SLAMF6: variants seen among roughly 807,000 people sequenced by gnomAD.
The protein encoded by SLAMF6 is NK-T-B-antigen.
A neutral mutation model predicts 38.3 loss-of-function variants in SLAMF6; 21 were observed. That is an observed-to-expected ratio of 0.55 (90% CI 0.39 to 0.79). The LOEUF is 0.79. Ranked by LOEUF, SLAMF6 falls within the 30% of genes least tolerant of loss-of-function variation. The pLI, the probability that SLAMF6 is intolerant of heterozygous loss-of-function variation, is 0.00. For missense variants in SLAMF6, 341 were observed against 385.3 expected (o/e 0.89, Z 0.96); for synonymous variants, 152 against 146.3 (o/e 1.04, Z -0.28).
rs545293672 is a variant in SLAMF6 at position 160,510,623 on chromosome 1, C to A, written c.49+12521G>T. On this transcript the variant is annotated intron_variant, in intron 1 of 7. Transcript: ENST00000368057. ...AAAAGGCATTTATGAAAACCCACAG[C>A]TAACATTTTACTCAAGGATAAAAGA... 5.3e-5 allele frequency among the ~76,000 whole-genome samples: 8 copies of A among 152,214 alleles called. No homozygotes were observed. The South Asian group carries it at 1.7e-3, about 32-fold the overall frequency.
chr1:160,523,082 G>T, intron 1 of SLAMF6, 62 bp downstream of exon 1: 1 of 1,573,282 alleles, frequency 6.4e-7, no homozygotes, highest in Non-Finnish European at 8.7e-7. Context: ...GATTTAGGTT[G>T]AGCAAGCTGC....
chr1:160,520,395 C>T (rs867372270), intron 1 of SLAMF6, among the ~76,000 whole-genome samples: 1 of 152,158 alleles, frequency 6.6e-6, no homozygotes, highest in African/African-American at 2.4e-5. Context: ...AATTTAGAAC[C>T]TTGCTGCTTA....
At chr1:160,500,587 A>G (rs952661358) in intron 1 of SLAMF6, among the ~76,000 whole-genome samples, 4 of 151,998 alleles carry the variant, frequency 2.6e-5, no homozygotes, top group Admixed American at 1.3e-4. Flanking sequence ...TTTACCATCT[A>G]GTACTTACCA....
At chr1:160,495,681 G>T (rs910149417) in intron 2 of SLAMF6, among the ~76,000 whole-genome samples, 2 of 152,212 alleles carry the variant, frequency 1.3e-5, no homozygotes, top group African/African-American at 4.8e-5. Flanking sequence ...GCAAATCACT[G>T]TGACTGAGGC....
chr1:160,517,730 A>G (rs996493168), intron 1 of SLAMF6, among the ~76,000 whole-genome samples: 1 of 152,152 alleles, frequency 6.6e-6, no homozygotes, highest in African/African-American at 2.4e-5. Context: ...GGAAGCCATT[A>G]TCCTCAGCAA....
chr1:160,511,373 T>C (rs1004140554), intron 1 of SLAMF6, among the ~76,000 whole-genome samples: 1 of 152,196 alleles, frequency 6.6e-6, no homozygotes, highest in Non-Finnish European at 1.5e-5. Context: ...GATAAACTTA[T>C]AGATGTCTAT....
chr1:160,486,691 GA>G lies in SLAMF6; in HGVS notation c.*15del. The G allele has an allele frequency of 6.2e-7, 1 of 1,612,840 alleles. No homozygotes were observed. Among genetic ancestry groups the G allele is most frequent in the South Asian group, 1.1e-5 (1 of 91,036 alleles). On this transcript the variant is annotated 3_prime_UTR_variant, in exon 8 of 8. Coordinates refer to ENST00000368057, the MANE Select transcript of SLAMF6 (RefSeq NM_001184714.2). ...AGACGTGTCATTCCCGAATTCCTCT[GA>G]GGCCTTTCAGCAACTTACACGACAT...
Position 160,496,072 on chromosome 1 carries a change from A to G in SLAMF6, c.371T>C (p.Leu124Pro). ...KTSAKLSSYT[L>P]RILRQLRNIQ... The stretch of plus-strand genomic sequence containing the variant: ...ATATTTTGACTTACTTAATATCCTC[A>G]GAGTGTAACTGGACAGCTTTGCAGA... Residue 124 changes from leucine (L) to proline (P), a missense_variant, in exon 2 of 8, where the codon CTG (leucine) becomes CCG (proline). Coordinates refer to ENST00000368057, the MANE Select transcript of SLAMF6 (RefSeq NM_001184714.2). 6.2e-7 allele frequency: 1 copy of G among 1,611,328 alleles called. No homozygotes were observed. The highest frequency in any genetic ancestry group is 8.5e-7 in the Non-Finnish European group (1 of 1,178,108).
chr1:160,489,081 G>T lies in SLAMF6; in HGVS notation c.879+7C>A, dbSNP rs1401628294. The T allele has an allele frequency of 3.1e-6, 5 of 1,608,154 alleles. No homozygotes were observed. Among genetic ancestry groups the T allele is most frequent in the Non-Finnish European group, 4.3e-6 (5 of 1,174,822 alleles). ...CAACAATGGCATATAAAGCTGAAAA[G>T]ACTCACCCTGTTTGAATGAGTGACT... is the stretch of plus-strand genomic sequence containing the variant. On this transcript the variant is annotated splice_region_variant and intron_variant, in intron 6 of 7. Transcript: ENST00000368057.
At chr1:160,511,177 C>A (rs1008446706) in intron 1 of SLAMF6, among the ~76,000 whole-genome samples, 1 of 152,052 alleles carries the variant, frequency 6.6e-6, no homozygotes. Context: ...TCAATGCAAT[C>A]CTTATCAAAA....
At position 160,496,959 on chromosome 1, in the gene SLAMF6, A is replaced by G. The variant is rs540909357; in HGVS notation, c.50-566T>C. ...TGAGGCAGGCAGGATGGATATTATTACTTCCATTTATAGATAAAGGAACTG... is the reference window on the plus strand; with the variant it reads ...TGAGGCAGGCAGGATGGATATTATTGCTTCCATTTATAGATAAAGGAACTG... On this transcript the variant is annotated intron_variant, in intron 1 of 7. Transcript: ENST00000368057. Among the ~76,000 whole-genome samples, 4 of 152,272 alleles carry G rather than the reference A, an allele frequency of 2.6e-5. No homozygotes were observed. The East Asian group carries it at 7.7e-4, about 29-fold the overall frequency.
intron 1 of SLAMF6, among the ~76,000 whole-genome samples, chr1:160,511,509 G>A (rs528278186): frequency 5.9e-5 from 9 of 152,208 alleles, no homozygotes; most frequent in Non-Finnish European, 1.0e-4. Context: ...TGGGACAACT[G>A]GATATCCACA....
At chr1:160,496,011 C>A in intron 2 of SLAMF6, 50 bp downstream of exon 2, 1 of 1,507,246 alleles carries the variant, frequency 6.6e-7, no homozygotes, top group South Asian at 1.2e-5. Context: ...GATTGGAATA[C>A]ATGTATATTT....
chr1:160,519,859 T>C (rs1193125707), intron 1 of SLAMF6, among the ~76,000 whole-genome samples: 1 of 152,040 alleles, frequency 6.6e-6, no homozygotes, highest in Non-Finnish European at 1.5e-5. Context: ...TGAAAATGTT[T>C]TAGAATAATA....
intron 1 of SLAMF6, among the ~76,000 whole-genome samples, chr1:160,517,357 CAG>C (rs1332506942): frequency 6.6e-6 from 1 of 152,144 alleles, no homozygotes; most frequent in Non-Finnish European, 1.5e-5. Context: ...CAAGAAACAA[CAG>C]ATGCTTGTGA....
At chr1:160,514,670 A>G (rs746080388) in intron 1 of SLAMF6, among the ~76,000 whole-genome samples, 5 of 152,198 alleles carry the variant, frequency 3.3e-5, no homozygotes, top group Non-Finnish European at 7.4e-5. Context: ...AGACCACAGC[A>G]TAATCAAATT....
chr1:160,501,199 T>C (rs1653871532), intron 1 of SLAMF6, among the ~76,000 whole-genome samples: 1 of 152,208 alleles, frequency 6.6e-6, no homozygotes, highest in Non-Finnish European at 1.5e-5. Context: ...ATTAGGTCTG[T>C]TTTATGTACC....
chr1:160,490,748 C>T (rs1032107583), intron 3 of SLAMF6, 63 bp from the exon 4 acceptor site: 1 of 1,581,760 alleles, frequency 6.3e-7, no homozygotes, highest in African/African-American at 1.4e-5. Flanking sequence ...GTTCTTGGAG[C>T]CTCCGTGGAG....
At chr1:160,503,997 G>A (rs1421347900) in intron 1 of SLAMF6, among the ~76,000 whole-genome samples, 1 of 116,872 alleles carries the variant, frequency 8.6e-6, no homozygotes, top group Non-Finnish European at 1.6e-5. Context: ...CAGCCTGGGT[G>A]ACAGAGTGAG....
Sources: allele counts gnomAD v4.1 joint callset (sites outside exome capture counted in the v4.1 genomes callset), GRCh38; gene constraint gnomAD v4.1.1; transcripts MANE v1.5; gene names NCBI Gene and HGNC (gene_info 2026-07-23, HGNC 2026-07-21).